The following HTR2C variants were observed in gnomAD, a reference collection of about 807,000 sequenced individuals.
HTR2C encodes the protein 5-hydroxytryptamine receptor 2C.
In HTR2C, 5 loss-of-function variants were observed where a neutral mutation model predicts 21.0. The observed-to-expected ratio is 0.24, with a 90% CI of 0.12 to 0.50. The LOEUF (loss-of-function observed/expected upper bound fraction) is 0.50, where lower values mean the gene tolerates loss of function less well. Ranked by LOEUF, HTR2C falls within the 20% of genes least tolerant of loss-of-function variation. HTR2C has a pLI of 0.98. For synonymous variants in HTR2C, 150 were observed against 145.3 expected (o/e 1.03, Z -0.23); for missense variants, 271 against 371.2 (o/e 0.73, Z 2.22).
intron 2 of HTR2C, among the ~76,000 whole-genome samples, chrX:114,638,346 A>G (rs1556405666): frequency 9.0e-6 from 1 of 111,074 alleles, no homozygotes; most frequent in Non-Finnish European, 1.9e-5. Context: ...GTCACTGTCC[A>G]TCTTTGAAAT....
intron 2 of HTR2C, among the ~76,000 whole-genome samples, chrX:114,699,011 A>G (rs1932373460): frequency 8.9e-6 from 1 of 111,788 alleles, no homozygotes; most frequent in Non-Finnish European, 1.9e-5. Flanking sequence ...CCTGAAATTA[A>G]AAGTGGCCAC....
intron 5 of HTR2C, among the ~76,000 whole-genome samples, chrX:114,848,769 GA>G (rs1223253045): frequency 4.4e-4 from 48 of 108,987 alleles, no homozygotes; most frequent in African/African-American, 7.6e-4. Context: ...TATACAAAAA[GA>G]AAAAAAAATT....
chrX:114,690,794 A>G (rs1173561266), intron 2 of HTR2C, among the ~76,000 whole-genome samples: 2 of 111,445 alleles, frequency 1.8e-5, no homozygotes, highest in Admixed American at 1.9e-4. Flanking sequence ...TGATTCATTT[A>G]AAGACAATAC....
intron 1 of HTR2C, among the ~76,000 whole-genome samples, chrX:114,605,536 CA>C (rs1190149751): frequency 1.8e-5 from 2 of 111,025 alleles, no homozygotes; most frequent in African/African-American, 6.6e-5. Context: ...GCCTGGACGT[CA>C]GGCACCTCAG....
chrX:114,743,806 C>T (rs1556425689), intron 4 of HTR2C, among the ~76,000 whole-genome samples: 1 of 111,885 alleles, frequency 8.9e-6, no homozygotes, highest in East Asian at 2.8e-4. Context: ...GAAAACCATG[C>T]CCAGACACAT....
At chrX:114,797,907 A>C (rs1230321353) in intron 4 of HTR2C, among the ~76,000 whole-genome samples, 2 of 112,110 alleles carry the variant, frequency 1.8e-5, no homozygotes, top group African/African-American at 3.2e-5. Flanking sequence ...TTAATTTTGT[A>C]GTTATTACCT....
Position 114,688,491 on chromosome X carries a change from T to C in HTR2C, c.-79-38367T>C, listed in dbSNP as rs1488094040. On this transcript the variant is annotated intron_variant, in intron 2 of 5. Transcript: ENST00000276198. ...CCATGACATAATTTAAAAATCGTCT[T>C]ATAATTTGTCAGGTTTAATAAGTAG... 1.3e-4 allele frequency among the ~76,000 whole-genome samples: 15 copies of C among 111,612 alleles called. No individual in the cohort carries two copies. In the Admixed American group the frequency reaches 1.4e-3, roughly 11 times the overall value.
At chrX:114,687,135 T>C (rs1162047782) in intron 2 of HTR2C, among the ~76,000 whole-genome samples, 1 of 112,159 alleles carries the variant, frequency 8.9e-6, no homozygotes. Flanking sequence ...AGCTATATTT[T>C]CTTCCAATAA....
At chrX:114,601,153 CT>C (rs200400844) in intron 1 of HTR2C, among the ~76,000 whole-genome samples, 1 of 110,105 alleles carries the variant, frequency 9.1e-6, no homozygotes, top group Admixed American at 9.7e-5. Context: ...TAAACTCTTT[CT>C]TTTTTTTTAG....
At chrX:114,770,803 C>CTTTT (rs377420309) in intron 4 of HTR2C, among the ~76,000 whole-genome samples, 6,875 of 80,618 alleles carry the variant, frequency 0.085, 726 homozygotes, top group African/African-American at 0.23. Context: ...TTCTTTCTTC[C>CTTTT]TTTTTTTTTT....
At chrX:114,672,342 T>C (rs1931410077) in intron 2 of HTR2C, among the ~76,000 whole-genome samples, 1 of 110,635 alleles carries the variant, frequency 9.0e-6, no homozygotes, top group Admixed American at 9.7e-5. Flanking sequence ...CAGTGAGCTA[T>C]GATCGCACCC....
At chrX:114,789,434 T>C (rs73571415) in intron 4 of HTR2C, among the ~76,000 whole-genome samples, 2,124 of 111,961 alleles carry the variant, frequency 0.019, 51 homozygotes, top group African/African-American at 0.065. Context: ...CAATTTCTCA[T>C]TGGAATTTAA....
At position 114,719,956 on chromosome X, in the gene HTR2C, T is replaced by C. The variant is rs150914769; in HGVS notation, c.-79-6902T>C. On this transcript the variant is annotated intron_variant, in intron 2 of 5. Coordinates refer to ENST00000276198, the MANE Select transcript of HTR2C (RefSeq NM_000868.4). Reference sequence around the variant, plus strand: ...ATCTTTGAACCTTTAAAAATTATACTAATATTTGGATACATAAAAATAAAT... The same window carrying C: ...ATCTTTGAACCTTTAAAAATTATACCAATATTTGGATACATAAAAATAAAT... Among the ~76,000 whole-genome samples the C allele has an allele frequency of 6.6e-3, 739 of 111,933 alleles. 4 individuals carry two copies. The highest frequency in any genetic ancestry group is 0.022 in the African/African-American group (671 of 30,895).
At chrX:114,831,735 G>T (rs1383406361) in intron 4 of HTR2C, among the ~76,000 whole-genome samples, 14 of 106,754 alleles carry the variant, frequency 1.3e-4, no homozygotes, top group African/African-American at 3.8e-4. Context: ...GGCTTTTGTT[G>T]CCATTGCTTT....
intron 4 of HTR2C, among the ~76,000 whole-genome samples, chrX:114,834,067 A>G (rs1225914530): frequency 9.0e-6 from 1 of 110,650 alleles, no homozygotes; most frequent in Non-Finnish European, 1.9e-5. Context: ...TCTGAGAGAT[A>G]GTTTATTATA....
intron 2 of HTR2C, among the ~76,000 whole-genome samples, chrX:114,674,992 G>A (rs1602679445): frequency 8.9e-6 from 1 of 112,415 alleles, no homozygotes; most frequent in East Asian, 2.8e-4. Context: ...CGGAAGTATA[G>A]TTAATATGAT....
At chrX:114,851,311 TC>T (rs782206683) in intron 5 of HTR2C, among the ~76,000 whole-genome samples, 4 of 111,756 alleles carry the variant, frequency 3.6e-5, no homozygotes, top group Non-Finnish European at 7.5e-5. Context: ...CTCAACACAT[TC>T]CAAAGGGTTG....
At chrX:114,612,718 A>G (rs1556398960) in intron 1 of HTR2C, among the ~76,000 whole-genome samples, 5 of 111,393 alleles carry the variant, frequency 4.5e-5, no homozygotes, top group African/African-American at 1.6e-4. Flanking sequence ...ACTAATATTT[A>G]ATTTCCTCTT....
intron 2 of HTR2C, among the ~76,000 whole-genome samples, chrX:114,687,181 A>G (rs1556414367): frequency 8.9e-6 from 1 of 112,530 alleles, no homozygotes. Flanking sequence ...GCTATGCAGA[A>G]CAGTTACTTA....
Sources: gnomAD v4.1 joint callset for allele counts (sites outside exome capture counted in the v4.1 genomes callset) on GRCh38, gnomAD v4.1.1 for gene constraint, MANE v1.5 for transcripts, NCBI Gene and HGNC (gene_info 2026-07-23, HGNC 2026-07-21) for gene names.